Variants in RIF1 observed in about 807,000 individuals in gnomAD.
The protein encoded by RIF1 is telomere-associated protein RIF1.
RIF1 carries 45 observed loss-of-function variants against 247.1 expected under a neutral mutation model. The observed-to-expected ratio is 0.18, with a 90% confidence interval of 0.14 to 0.23. The LOEUF is 0.23. RIF1 is among the 10% of genes least tolerant of loss of function. The pLI is 1.00. For synonymous variants in RIF1, 1,087 were observed against 978.8 expected (o/e 1.11, Z -2.06); for missense variants, 2,967 against 2,862.5 (o/e 1.04, Z -0.83).
chr2:151,497,984 C>T, intron 10 of RIF1: 1 of 1,434,426 alleles, frequency 7.0e-7, no homozygotes, highest in Non-Finnish European at 9.1e-7. Context: ...GCCTCCTAAA[C>T]AATCACATGA....
At chr2:151,499,047 T>TA (rs1271328946) in intron 10 of RIF1, among the ~76,000 whole-genome samples, 1 of 152,066 alleles carries the variant, frequency 6.6e-6, no homozygotes. Flanking sequence ...TGTGGATGCT[T>TA]AGACACTGAG....
At chr2:151,511,202 C>T (rs2073994300), downstream of RIF1, among the ~76,000 whole-genome samples, 1 of 152,170 alleles carries the variant, frequency 6.6e-6, no homozygotes, top group South Asian at 2.1e-4. Context: ...CTCCCTGGCT[C>T]CCTCAGTGAA....
At chr2:151,523,739 A>G in the RIF1 span, among the ~76,000 whole-genome samples, 1 of 152,194 alleles carries the variant, frequency 6.6e-6, no homozygotes, top group Non-Finnish European at 1.5e-5. Context: ...GATCTGCAAG[A>G]ATGTGGCATT....
rs1369356305 is a variant in RIF1 at position 151,476,896 on chromosome 2, A to C, written c.*1825A>C. 6.6e-6 allele frequency: 1 copy of C among 152,206 alleles called. No homozygotes were observed. Among genetic ancestry groups the C allele is most frequent in the African/African-American group, 2.4e-5 (1 of 41,454 alleles). 9.4% of individuals were successfully genotyped at this position (152,206 alleles called of 1,614,324 possible). ...GATTACTTTAACACACTTCAGAATT[A>C]AAATCAGTTCGTTTCATGACTCTGT... On this transcript the variant is annotated 3_prime_UTR_variant, in exon 36 of 36. Transcript: ENST00000444746.
chr2:151,459,694 T>A (rs1228091543), intron 25 of RIF1, among the ~76,000 whole-genome samples: 2 of 152,242 alleles, frequency 1.3e-5, no homozygotes, highest in African/African-American at 4.8e-5. Context: ...AGAAATATTT[T>A]CAGTTACAGG....
At chr2:151,411,789 A>T (rs1027237874) in intron 3 of RIF1, among the ~76,000 whole-genome samples, 24 of 152,178 alleles carry the variant, frequency 1.6e-4, no homozygotes, top group African/African-American at 5.6e-4. Context: ...AATACTCTTT[A>T]TTGTTACTTA....
the RIF1 span, chr2:151,533,456 G>A: frequency 6.5e-7 from 1 of 1,550,188 alleles, no homozygotes. Flanking sequence ...CTCCACATAT[G>A]CGAATTGTAG....
At chr2:151,510,318 C>CT (rs2073141912), downstream of RIF1, among the ~76,000 whole-genome samples, 1 of 152,160 alleles carries the variant, frequency 6.6e-6, no homozygotes, top group Admixed American at 6.5e-5. Flanking sequence ...TTTTGTTATG[C>CT]TTTAAGGCCC....
rs1696659782 is a variant in RIF1, at chr2:151,464,743, T to C, written c.5223T>C (p.Pro1741=). 6.2e-7 allele frequency: 1 copy of C among 1,613,600 alleles called. No homozygotes were observed. Among genetic ancestry groups the C allele is most frequent in the Non-Finnish European group, 8.5e-7 (1 of 1,179,862 alleles). The change falls in exon 30 of 36, where the codon CCT becomes CCC. Residue 1741 remains proline, a synonymous_variant. Transcript: ENST00000444746. ...GCDCCGEKSQ[P]QEKSLIGLKN... is the part of the protein sequence containing the mutation. Reference sequence around the variant, plus strand: ...ATTGCTGTGGGGAAAAATCACAACCTCAGGAAAAGTCACTCATTGGGTTAA... The same window carrying C: ...ATTGCTGTGGGGAAAAATCACAACCCCAGGAAAAGTCACTCATTGGGTTAA...
chr2:151,530,301 TGCAG>T, the RIF1 span, among the ~76,000 whole-genome samples: 1 of 152,330 alleles, frequency 6.6e-6, no homozygotes, highest in East Asian at 1.9e-4. Context: ...GCTTAGCATC[TGCAG>T]GCCCAACAGG....
chr2:151,482,712 CTG>C (rs2049219186), downstream of RIF1, among the ~76,000 whole-genome samples: 1 of 152,154 alleles, frequency 6.6e-6, no homozygotes, highest in Admixed American at 6.5e-5. Flanking sequence ...TTGAAAGACA[CTG>C]TATTAGTTTC....
intron 9 of RIF1, chr2:151,491,753 A>G: frequency 6.3e-7 from 1 of 1,593,294 alleles, no homozygotes; most frequent in South Asian, 1.1e-5. Flanking sequence ...CCGAACCAGG[A>G]TTAGTACGCC....
In RIF1 at chr2:151,450,669, C is replaced by T. The variant is rs190889058; in HGVS notation, c.2245-937C>T. Among the ~76,000 whole-genome samples, 11 of 152,134 alleles carry T rather than the reference C, an allele frequency of 7.2e-5. 2 individuals are homozygous for T. In the Middle Eastern group the frequency reaches 0.014, roughly 188 times the overall value. On this transcript the variant is annotated intron_variant, in intron 20 of 35. Coordinates refer to ENST00000444746, the MANE Select transcript of RIF1 (RefSeq NM_018151.5). The stretch of plus-strand genomic sequence containing the variant: ...TGTGAACTCGGCTCACTGCAGCCTC[C>T]GCCTCCCGGGTTCAAGCAGTTCTCC...
chr2:151,531,076 T>C, the RIF1 span: 1 of 1,612,584 alleles, frequency 6.2e-7, no homozygotes, highest in Non-Finnish European at 8.5e-7. Flanking sequence ...GGGTTTGGCC[T>C]TGTTGTATTC....
intron 12 of RIF1, 68 bp from the exon 13 acceptor site, chr2:151,437,171 GTT>G (rs1691384084): frequency 1.5e-6 from 2 of 1,343,746 alleles, no homozygotes; most frequent in African/African-American, 2.9e-5. Context: ...ACATTTTAAA[GTT>G]TTATAGTGAG....
rs115283798 is a variant in RIF1 at position 151,468,774 on chromosome 2, C to T, written c.6941+18C>T. The T allele has an allele frequency of 0.031, 48,434 of 1,538,006 alleles. 1,595 individuals carry two copies. Among genetic ancestry groups the T allele is most frequent in the East Asian group, 0.14 (6,074 of 44,488 alleles). On this transcript the variant is annotated intron_variant, in intron 33 of 35. Transcript: ENST00000444746. ...AACATGTGGTAAGTGGTTATTTAGG[C>T]TTCTTGCTTATATTCCAAGATGCCA... is the stretch of plus-strand genomic sequence containing the variant.
chr2:151,411,384 T>TG (rs754070888), intron 3 of RIF1, 46 bp downstream of exon 3: 2 of 910,574 alleles, frequency 2.2e-6, no homozygotes, highest in Non-Finnish European at 3.1e-6. Context: ...GGTAGTTTGG[T>TG]TTTTTTTTTT....
At chr2:151,453,096 G>A (rs1694605787) in intron 21 of RIF1, among the ~76,000 whole-genome samples, 1 of 152,170 alleles carries the variant, frequency 6.6e-6, no homozygotes. Context: ...AAGAGTTTAT[G>A]TGGAAACTTC....
chr2:151,532,413 A>T, the RIF1 span, among the ~76,000 whole-genome samples: 3 of 152,216 alleles, frequency 2.0e-5, no homozygotes, highest in Non-Finnish European at 2.9e-5. Context: ...CATGTCAAAG[A>T]TGAAACAGGG....
Sources: allele counts gnomAD v4.1 joint callset (sites outside exome capture counted in the v4.1 genomes callset), GRCh38; gene constraint gnomAD v4.1.1; transcripts MANE v1.5; gene names NCBI Gene and HGNC (gene_info 2026-07-23, HGNC 2026-07-21).